The following SCMH1 variants were observed in gnomAD, a reference collection of about 807,000 sequenced individuals.
The protein encoded by SCMH1 is polycomb protein SCMH1.
SCMH1 carries 37 observed loss-of-function variants against 70.8 expected under a neutral mutation model. That is an observed-to-expected ratio of 0.52 (90% confidence interval 0.40 to 0.69). The LOEUF (loss-of-function observed/expected upper bound fraction) is 0.69, where lower values mean the gene tolerates loss of function less well. SCMH1 is among the 30% of genes least tolerant of loss of function. The probability of loss-of-function intolerance (pLI) is 0.00; values close to 1 mark genes in which losing one functional copy is unlikely to be tolerated. For synonymous variants in SCMH1, 292 were observed against 307.4 expected, an observed-to-expected ratio of 0.95 and a Z score of 0.52; for missense variants, 607 against 827.3, an observed-to-expected ratio of 0.73 and a Z score of 3.27.
At chr1:41,092,356 T>A (rs559607625) in intron 8 of SCMH1, among the ~76,000 whole-genome samples, 1 of 152,300 alleles carries the variant, frequency 6.6e-6, no homozygotes, top group Admixed American at 6.5e-5. Flanking sequence ...TCCTTACACC[T>A]TATACAAAAA....
chr1:41,046,329 G>C lies in SCMH1; in HGVS notation c.1498+78C>G, dbSNP rs1432162129. On this transcript the variant is annotated intron_variant, in intron 12 of 14. Transcript: ENST00000337495. ...TAGGTGCCAGGCCAGTAGTTCTGAAGGCTGACCCTGGGCCCCTGCAGGTGC... is the reference window on the plus strand; with the variant it reads ...TAGGTGCCAGGCCAGTAGTTCTGAACGCTGACCCTGGGCCCCTGCAGGTGC... 5 of 1,303,886 alleles carry C rather than the reference G, an allele frequency of 3.8e-6. No individual in the cohort carries two copies. In the Admixed American group the frequency reaches 7.3e-5, roughly 19 times the overall value. 80.8% of individuals were successfully genotyped at this position (1,303,886 alleles called of 1,614,324 possible).
At chr1:41,160,207 C>A (rs558336060) in intron 4 of SCMH1, among the ~76,000 whole-genome samples, 1 of 152,248 alleles carries the variant, frequency 6.6e-6, no homozygotes, top group African/African-American at 2.4e-5. Flanking sequence ...TATCAAAATA[C>A]TTGAACAAAA....
At chr1:41,190,002 A>G (rs974653907) in intron 1 of SCMH1, among the ~76,000 whole-genome samples, 3 of 152,212 alleles carry the variant, frequency 2.0e-5, no homozygotes, top group Non-Finnish European at 4.4e-5. Flanking sequence ...CCTAGCAGAC[A>G]TATATGGATC....
intron 4 of SCMH1, chr1:41,159,921 C>A: frequency 1.1e-6 from 1 of 875,382 alleles, no homozygotes; most frequent in Non-Finnish European, 1.6e-6. Context: ...CTCATGTAAT[C>A]TTCTTTACAA....
chr1:41,207,203 T>G (rs576253757), intron 1 of SCMH1, among the ~76,000 whole-genome samples: 2 of 152,166 alleles, frequency 1.3e-5, no homozygotes, highest in Non-Finnish European at 2.9e-5. Flanking sequence ...TAACCTTAAA[T>G]GTAAATGGGC....
intron 6 of SCMH1, among the ~76,000 whole-genome samples, chr1:41,134,330 C>A (rs1360787504): frequency 6.6e-6 from 1 of 152,192 alleles, no homozygotes; most frequent in African/African-American, 2.4e-5. Context: ...CAATATCATA[C>A]TGAATGGGCA....
chr1:41,180,164 A>G (rs1323837862), intron 2 of SCMH1, among the ~76,000 whole-genome samples: 3 of 152,124 alleles, frequency 2.0e-5, no homozygotes, highest in African/African-American at 7.2e-5. Context: ...AAATTCAACA[A>G]CACTTCATGC....
chr1:41,166,579 C>T (rs1232628272), intron 2 of SCMH1, among the ~76,000 whole-genome samples: 3 of 151,836 alleles, frequency 2.0e-5, no homozygotes, highest in African/African-American at 7.3e-5. Context: ...AAATTTTCTT[C>T]TAAGTATTTT....
At chr1:41,114,321 T>A (rs963682906) in intron 7 of SCMH1, among the ~76,000 whole-genome samples, 1 of 152,228 alleles carries the variant, frequency 6.6e-6, no homozygotes, top group Non-Finnish European at 1.5e-5. Flanking sequence ...GTAATGCAGT[T>A]ACATAGATCA....
At chr1:41,202,611 A>G (rs1337950631) in intron 1 of SCMH1, among the ~76,000 whole-genome samples, 1 of 152,132 alleles carries the variant, frequency 6.6e-6, no homozygotes, top group African/African-American at 2.4e-5. Flanking sequence ...ATTTAGTGCA[A>G]TTCATAACTT....
intron 8 of SCMH1, among the ~76,000 whole-genome samples, chr1:41,108,738 G>A (rs1019016254): frequency 6.6e-6 from 1 of 152,174 alleles, no homozygotes; most frequent in Non-Finnish European, 1.5e-5. Context: ...GGTGATAGGT[G>A]AGCTGATGAA....
intron 8 of SCMH1, among the ~76,000 whole-genome samples, chr1:41,109,579 G>A (rs1668775994): frequency 6.6e-6 from 1 of 152,170 alleles, no homozygotes; most frequent in Admixed American, 6.5e-5. Context: ...AAGTGTGGGA[G>A]GAGACAGTTG....
intron 13 of SCMH1, among the ~76,000 whole-genome samples, chr1:41,032,932 T>C (rs1484211918): frequency 1.3e-5 from 2 of 149,896 alleles, no homozygotes; most frequent in Non-Finnish European, 3.0e-5. Context: ...TGAGCCGAGA[T>C]TGCGCCACTG....
intron 1 of SCMH1, among the ~76,000 whole-genome samples, chr1:41,197,078 C>A (rs1014645260): frequency 1.3e-5 from 2 of 152,092 alleles, no homozygotes; most frequent in African/African-American, 2.4e-5. Context: ...AAAATTGCAA[C>A]CATCATGCAT....
At chr1:41,103,301 T>G (rs1434532258) in intron 8 of SCMH1, among the ~76,000 whole-genome samples, 1 of 151,986 alleles carries the variant, frequency 6.6e-6, no homozygotes, top group Non-Finnish European at 1.5e-5. Context: ...CTGGCTAATT[T>G]TTTTTTATTT....
intron 1 of SCMH1, among the ~76,000 whole-genome samples, chr1:41,226,497 T>G (rs1660297594): frequency 6.6e-6 from 1 of 152,140 alleles, no homozygotes. Context: ...GACTTTTAAG[T>G]TCACAGAAAA....
At chr1:41,144,429 A>T (rs1234728762) in intron 5 of SCMH1, among the ~76,000 whole-genome samples, 3 of 152,224 alleles carry the variant, frequency 2.0e-5, no homozygotes, top group Non-Finnish European at 4.4e-5. Context: ...CAATGAGTGT[A>T]TCAGTACTTC....
At chr1:41,181,085 T>A (rs1338714225) in intron 2 of SCMH1, among the ~76,000 whole-genome samples, 1 of 152,026 alleles carries the variant, frequency 6.6e-6, no homozygotes, top group Non-Finnish European at 1.5e-5. Flanking sequence ...CTGACAAAAA[T>A]AAGAAATGGG....
At chr1:41,148,495 T>C (rs1644784163) in intron 5 of SCMH1, among the ~76,000 whole-genome samples, 1 of 152,200 alleles carries the variant, frequency 6.6e-6, no homozygotes, top group Admixed American at 6.5e-5. Context: ...ACCTTTGTGT[T>C]TGAAAGACAT....
Sources: gnomAD v4.1 joint callset for allele counts (sites outside exome capture counted in the v4.1 genomes callset) on GRCh38, gnomAD v4.1.1 for gene constraint, MANE v1.5 for transcripts, NCBI Gene and HGNC (gene_info 2026-07-23, HGNC 2026-07-21) for gene names.